ITCH: variants seen among roughly 807,000 people sequenced by gnomAD.
The protein encoded by ITCH is itchy E3 ubiquitin protein ligase.
Under a neutral mutation model 126.8 loss-of-function variants are expected in ITCH, and 28 were observed. That is an observed-to-expected ratio of 0.22 (90% CI 0.16 to 0.30). The LOEUF (loss-of-function observed/expected upper bound fraction) is 0.30. Ranked by LOEUF, ITCH falls within the 10% of genes least tolerant of loss-of-function variation. The probability of loss-of-function intolerance (pLI) is 1.00; values close to 1 mark genes in which losing one functional copy is unlikely to be tolerated. For synonymous variants in ITCH, 342 were observed against 340.0 expected, an observed-to-expected ratio of 1.01 and a Z score of -0.06; for missense variants, 631 against 1,032.4, an observed-to-expected ratio of 0.61 and a Z score of 5.33.
At chr20:34,386,543 T>C (rs1385301689) in intron 2 of ITCH, among the ~76,000 whole-genome samples, 1 of 152,206 alleles carries the variant, frequency 6.6e-6, no homozygotes, top group Admixed American at 6.5e-5. Flanking sequence ...CTTTAGCTCT[T>C]TGAACTCTGG....
intron 11 of ITCH, among the ~76,000 whole-genome samples, chr20:34,447,543 CTG>C (rs1412387825): frequency 6.6e-6 from 1 of 152,152 alleles, no homozygotes. Context: ...CAGTAAAACA[CTG>C]TGAAATGGTT....
chr20:34,374,328 G>A (rs780417258), intron 2 of ITCH, among the ~76,000 whole-genome samples: 1 of 152,184 alleles, frequency 6.6e-6, no homozygotes, highest in Non-Finnish European at 1.5e-5. Context: ...ACTGGAGTTA[G>A]GTTGATTTTG....
At chr20:34,427,654 T>G (rs1009257871) in intron 7 of ITCH, among the ~76,000 whole-genome samples, 5 of 152,160 alleles carry the variant, frequency 3.3e-5, no homozygotes, top group African/African-American at 1.2e-4. Flanking sequence ...ATTACATAAA[T>G]ATCTGTAGAC....
At chr20:34,389,202 G>T (rs571415561) in intron 2 of ITCH, among the ~76,000 whole-genome samples, 1 of 151,920 alleles carries the variant, frequency 6.6e-6, no homozygotes, top group Non-Finnish European at 1.5e-5. Flanking sequence ...TAATTAAATA[G>T]AAATGAAGTC....
intron 14 of ITCH, among the ~76,000 whole-genome samples, chr20:34,469,132 C>T (rs971713667): frequency 6.6e-6 from 1 of 152,094 alleles, no homozygotes; most frequent in African/African-American, 2.4e-5. Context: ...TCTCATTCTT[C>T]AAAGTGACCT....
intron 7 of ITCH, among the ~76,000 whole-genome samples, chr20:34,435,494 A>T (rs999480427): frequency 9.9e-5 from 15 of 152,016 alleles, no homozygotes; most frequent in African/African-American, 3.6e-4. Context: ...ATAAGAGGGG[A>T]GAAAAGAGTT....
chr20:34,476,412 G>A (rs1234886843), intron 16 of ITCH: 4 of 1,237,552 alleles, frequency 3.2e-6, no homozygotes, highest in East Asian at 3.3e-5. Flanking sequence ...GCCACCGGCC[G>A]GCCGGGTCGC....
intron 3 of ITCH, chr20:34,402,722 T>C (rs2038930162): frequency 4.9e-6 from 2 of 409,738 alleles, no homozygotes; most frequent in Non-Finnish European, 4.8e-6. Context: ...GTATCCACTT[T>C]AAATATTTCA....
intron 23 of ITCH, among the ~76,000 whole-genome samples, chr20:34,503,611 C>T (rs1252450898): frequency 2.0e-5 from 3 of 152,212 alleles, no homozygotes; most frequent in African/African-American, 4.8e-5. Flanking sequence ...GTCTTTCAAA[C>T]TACTAAAATT....
chr20:34,472,372 TAAAAAAAA>T (rs527802058), intron 16 of ITCH, among the ~76,000 whole-genome samples: 6 of 79,704 alleles, frequency 7.5e-5, no homozygotes, highest in African/African-American at 1.8e-4. Flanking sequence ...CATCTCAATT[TAAAAAAAA>T]AAAAAAAAAA....
intron 13 of ITCH, among the ~76,000 whole-genome samples, chr20:34,461,206 T>C (rs1379226196): frequency 2.0e-5 from 3 of 152,132 alleles, no homozygotes; most frequent in Non-Finnish European, 2.9e-5. Flanking sequence ...AAAGGGAACA[T>C]TGAGGCCAGC....
intron 16 of ITCH, among the ~76,000 whole-genome samples, chr20:34,471,902 G>C (rs1987668216): frequency 6.6e-6 from 1 of 152,102 alleles, no homozygotes; most frequent in African/African-American, 2.4e-5. Flanking sequence ...AACATTATCA[G>C]ATTGTAGAAA....
chr20:34,478,003 T>C (rs1988391734), intron 17 of ITCH, 143 bp downstream of exon 17: 1 of 1,088,708 alleles, frequency 9.2e-7, no homozygotes, highest in Middle Eastern at 2.7e-4. Flanking sequence ...ATGCTGTAGC[T>C]ACAGAATTTC....
chr20:34,402,768 T>C (rs559936389), intron 3 of ITCH: 1 of 268,668 alleles, frequency 3.7e-6, no homozygotes, highest in East Asian at 9.0e-5. Context: ...CACCGGGTTG[T>C]TGGCTCATCT....
At chr20:34,475,331 C>T (rs535149023) in intron 16 of ITCH, among the ~76,000 whole-genome samples, 125 of 152,228 alleles carry the variant, frequency 8.2e-4, no homozygotes, top group African/African-American at 2.8e-3. Context: ...TGTAGCTAGC[C>T]GAGATCACGC....
In ITCH at chr20:34,425,123, CT is replaced by C. The variant is rs572638024; in HGVS notation, c.521+601del. Among the ~76,000 whole-genome samples the C allele has an allele frequency of 5.3e-4, 81 of 152,330 alleles. 1 individual carries two copies. In the East Asian group the frequency reaches 0.013, roughly 24 times the overall value. ...GCTTTGAGATGCTGTTAATCTGTAA[CT>C]TTAGCCCCAACCCTGTGCTCACAGA... is the stretch of plus-strand genomic sequence containing the variant. On this transcript the variant is annotated intron_variant, in intron 7 of 24. Transcript: ENST00000374864.
intron 1 of ITCH, among the ~76,000 whole-genome samples, chr20:34,366,117 GC>G (rs1277646477): frequency 1.3e-5 from 2 of 152,176 alleles, no homozygotes; most frequent in African/African-American, 4.8e-5. Context: ...CTGAGTGAAT[GC>G]CTTAATGCTG....
intron 3 of ITCH, among the ~76,000 whole-genome samples, chr20:34,394,202 A>G (rs1175118805): frequency 7.5e-6 from 1 of 133,106 alleles, no homozygotes; most frequent in Non-Finnish European, 1.6e-5. Flanking sequence ...ATAGGGTGAG[A>G]CTGTCTCAAA....
chr20:34,483,462 GTCTC>G (rs1416887201), intron 20 of ITCH, among the ~76,000 whole-genome samples: 2 of 152,124 alleles, frequency 1.3e-5, no homozygotes, highest in East Asian at 3.9e-4. Flanking sequence ...AAGTACAATC[GTCTC>G]TCTCAAGTAC....
Sources: allele counts gnomAD v4.1 joint callset (sites outside exome capture counted in the v4.1 genomes callset), GRCh38; gene constraint gnomAD v4.1.1; transcripts MANE v1.5; gene names NCBI Gene and HGNC (gene_info 2026-07-23, HGNC 2026-07-21).